Variants in ZDHHC14 observed in about 807,000 individuals in gnomAD.
The protein encoded by ZDHHC14 is zDHHC palmitoyltransferase 14, also known as palmitoyltransferase ZDHHC14.
Under a neutral mutation model 47.7 loss-of-function variants are expected in ZDHHC14, and 16 were observed. The ratio of observed to expected loss-of-function variants is 0.34; its 90% CI spans 0.23 to 0.51. ZDHHC14 has a LOEUF of 0.51. ZDHHC14 is among the 20% of genes least tolerant of loss of function. ZDHHC14 has a pLI of 0.97. For missense variants in ZDHHC14, 515 were observed against 662.5 expected (o/e 0.78, Z 2.44); for synonymous variants, 293 against 278.9 (o/e 1.05, Z -0.50).
At chr6:157,466,203 G>C (rs1211514460) in intron 1 of ZDHHC14, among the ~76,000 whole-genome samples, 1 of 152,220 alleles carries the variant, frequency 6.6e-6, no homozygotes, top group Non-Finnish European at 1.5e-5. Flanking sequence ...GTGGCTTGCT[G>C]TGATGCTGGC....
intron 4 of ZDHHC14, among the ~76,000 whole-genome samples, chr6:157,628,891 A>G (rs369349752): frequency 2.0e-4 from 31 of 152,188 alleles, no homozygotes; most frequent in African/African-American, 6.8e-4. Flanking sequence ...ACCATTGAAG[A>G]GCAGAGTTTT....
chr6:157,667,166 A>G (rs1778587883), intron 8 of ZDHHC14, among the ~76,000 whole-genome samples: 1 of 152,248 alleles, frequency 6.6e-6, no homozygotes, highest in Non-Finnish European at 1.5e-5. Flanking sequence ...TAAAAACATG[A>G]GTATCTCAGT....
At chr6:157,581,253 A>AT (rs1193221473) in intron 2 of ZDHHC14, among the ~76,000 whole-genome samples, 1 of 146,132 alleles carries the variant, frequency 6.8e-6, no homozygotes, top group Non-Finnish European at 1.5e-5. Context: ...TTTAGTATGG[A>AT]TTTTTTATTT....
At chr6:157,513,720 C>T (rs953294945) in intron 1 of ZDHHC14, among the ~76,000 whole-genome samples, 7 of 152,050 alleles carry the variant, frequency 4.6e-5, no homozygotes, top group African/African-American at 7.2e-5. Flanking sequence ...TGATTGTCAC[C>T]GCTTTTATTT....
rs1284429244 is a variant in ZDHHC14, at chr6:157,540,910, G to GTGTGTATA, written c.246-1674_246-1673insGTGTATAT. 9.3e-3 allele frequency among the ~76,000 whole-genome samples: 1,140 copies of GTGTGTATA among 122,954 alleles called. 40 individuals are homozygous for GTGTGTATA. Among genetic ancestry groups the GTGTGTATA allele is most frequent in the African/African-American group, 0.046 (1,054 of 23,044 alleles). 80.7% of individuals were successfully genotyped at this position (122,954 alleles called of 152,430 possible). On this transcript the variant is annotated intron_variant, in intron 1 of 8. Coordinates refer to ENST00000359775, the MANE Select transcript of ZDHHC14 (RefSeq NM_024630.3). ...TGTATGTGTGTGTGTGTGTGTGTGT[G>GTGTGTATA]TATATATATATATATATATATATAA...
chr6:157,473,345 C>T (rs1054039345), intron 1 of ZDHHC14, among the ~76,000 whole-genome samples: 2 of 152,248 alleles, frequency 1.3e-5, no homozygotes, highest in African/African-American at 4.8e-5. Flanking sequence ...TTGGTAACCA[C>T]CATTCTCCTC....
At chr6:157,608,572 G>A (rs766911914) in intron 3 of ZDHHC14, among the ~76,000 whole-genome samples, 10 of 152,154 alleles carry the variant, frequency 6.6e-5, no homozygotes, top group South Asian at 2.1e-4. Flanking sequence ...TGCTGAGCCC[G>A]GGCAGGAGAA....
chr6:157,402,275 C>T (rs542744511), intron 1 of ZDHHC14, among the ~76,000 whole-genome samples: 2 of 151,226 alleles, frequency 1.3e-5, no homozygotes, highest in South Asian at 4.2e-4. Context: ...GAGGTGCACA[C>T]CTGCTGAGGT....
Position 157,597,100 on chromosome 6 carries a change from G to A in ZDHHC14, c.565+3954G>A, listed in dbSNP as rs189711784. Among the ~76,000 whole-genome samples the A allele has an allele frequency of 1.1e-3, 165 of 152,222 alleles. 1 individual carries two copies. The highest frequency in any genetic ancestry group is 3.7e-3 in the African/African-American group (155 of 41,536). On this transcript the variant is annotated intron_variant, in intron 3 of 8. Transcript: ENST00000359775. ...TTGCCATCGCGTTCCTTCTGCACAC[G>A]TGGAACGCAGCATTTCGGGTTGTTT...
intron 3 of ZDHHC14, among the ~76,000 whole-genome samples, chr6:157,597,452 G>A (rs1246693169): frequency 6.6e-6 from 1 of 152,218 alleles, no homozygotes; most frequent in Non-Finnish European, 1.5e-5. Flanking sequence ...GCCTAAACCT[G>A]TAATAAAAAG....
intron 5 of ZDHHC14, among the ~76,000 whole-genome samples, chr6:157,639,512 G>A (rs112259713): frequency 1.3e-5 from 2 of 152,232 alleles, no homozygotes; most frequent in African/African-American, 2.4e-5. Context: ...CACCATGTTG[G>A]CCAGGCTAGT....
chr6:157,469,217 A>G (rs1779297156), intron 1 of ZDHHC14, among the ~76,000 whole-genome samples: 1 of 152,154 alleles, frequency 6.6e-6, no homozygotes, highest in South Asian at 2.1e-4. Context: ...TCTTCATCCT[A>G]TCCCCAAACA....
chr6:157,488,765 C>T (rs777667810), intron 1 of ZDHHC14, among the ~76,000 whole-genome samples: 29 of 152,172 alleles, frequency 1.9e-4, no homozygotes, highest in Admixed American at 9.2e-4. Context: ...ACCTCACAGA[C>T]GTGTCTTTAA....
chr6:157,575,180 A>G (rs1048204312), intron 2 of ZDHHC14, among the ~76,000 whole-genome samples: 3 of 152,238 alleles, frequency 2.0e-5, no homozygotes, highest in Admixed American at 6.5e-5. Flanking sequence ...GGGGGAGCTC[A>G]GTATTTGCTC....
chr6:157,541,015 C>A (rs1390972877), intron 1 of ZDHHC14, among the ~76,000 whole-genome samples: 2 of 150,978 alleles, frequency 1.3e-5, no homozygotes, highest in African/African-American at 4.9e-5. Flanking sequence ...TAATTTCAAA[C>A]TTACAGAGAA....
At chr6:157,662,558 A>G (rs886761530) in intron 8 of ZDHHC14, among the ~76,000 whole-genome samples, 6 of 152,270 alleles carry the variant, frequency 3.9e-5, no homozygotes, top group Admixed American at 3.9e-4. Context: ...GGAGGCTCAT[A>G]ACAAATATTA....
intron 3 of ZDHHC14, among the ~76,000 whole-genome samples, chr6:157,602,879 G>A (rs892151185): frequency 6.6e-6 from 1 of 152,166 alleles, no homozygotes. Context: ...GAGTTTAGTC[G>A]TTTCTTTGTG....
chr6:157,453,788 T>TTTTTTTTGTGTGTGTGTGTGTGTGTG (rs3220439), intron 1 of ZDHHC14, among the ~76,000 whole-genome samples: 1,951 of 148,088 alleles, frequency 0.013, 50 homozygotes, highest in African/African-American at 0.047. Context: ...TTTTTGTGTT[T>TTTTTTTTGTGTGTGTGTGTGTGTGTG]TGTGTGTGTG....
At chr6:157,394,590 G>A (rs1777485524) in intron 1 of ZDHHC14, among the ~76,000 whole-genome samples, 1 of 152,162 alleles carries the variant, frequency 6.6e-6, no homozygotes, top group Non-Finnish European at 1.5e-5. Flanking sequence ...GAACCTTCAC[G>A]TGCTTTGACT....
Sources: allele counts gnomAD v4.1 joint callset (sites outside exome capture counted in the v4.1 genomes callset), GRCh38; gene constraint gnomAD v4.1.1; transcripts MANE v1.5; gene names NCBI Gene and HGNC (gene_info 2026-07-23, HGNC 2026-07-21).